TAMM41: variants seen among roughly 807,000 people sequenced by gnomAD.
TAMM41 encodes phosphatidate cytidylyltransferase, mitochondrial.
A neutral mutation model predicts 44.1 loss-of-function variants in TAMM41; 36 were observed. The ratio of observed to expected loss-of-function variants is 0.82; its 90% CI spans 0.63 to 1.08. The LOEUF is 1.08. Among genes scored for constraint, TAMM41 ranks in the 50% least tolerant of loss-of-function variants. The probability of loss-of-function intolerance (pLI) is 0.00; values close to 1 mark genes in which losing one functional copy is unlikely to be tolerated. For missense variants in TAMM41, 417 were observed against 404.3 expected (o/e 1.03, Z -0.27); for synonymous variants, 164 against 153.1 (o/e 1.07, Z -0.53).
At chr3:11,781,909 T>C in the TAMM41 span, among the ~76,000 whole-genome samples, 1 of 152,122 alleles carries the variant, frequency 6.6e-6, no homozygotes, top group Non-Finnish European at 1.5e-5. Flanking sequence ...TTTTAAAGTT[T>C]CCTATTAATT....
At chr3:11,778,249 G>A in the TAMM41 span, among the ~76,000 whole-genome samples, 1 of 151,926 alleles carries the variant, frequency 6.6e-6, no homozygotes, top group Admixed American at 6.6e-5. Context: ...TTTAGAGACA[G>A]GGTCTCGTTC....
intron 5 of TAMM41, 62 bp downstream of exon 5, chr3:11,817,130 T>C (rs765989715): frequency 3.2e-6 from 5 of 1,559,420 alleles, no homozygotes; most frequent in Non-Finnish European, 4.4e-6. Context: ...TACCCCTGAC[T>C]TTCTTCCTGC....
chr3:11,722,363 T>TACC, the TAMM41 span, among the ~76,000 whole-genome samples: 15,619 of 152,012 alleles, frequency 0.1, 2,383 homozygotes, highest in African/African-American at 0.33. Context: ...ACACTCAAGT[T>TACC]ACTGTAAGAA....
chr3:11,820,163 G>A (rs2078456266), intron 4 of TAMM41, among the ~76,000 whole-genome samples: 1 of 152,136 alleles, frequency 6.6e-6, no homozygotes, highest in Non-Finnish European at 1.5e-5. Flanking sequence ...TTCCAACTGT[G>A]TAAATCCTTA....
intron 3 of TAMM41, among the ~76,000 whole-genome samples, chr3:11,831,617 C>T (rs2078984812): frequency 6.6e-6 from 1 of 151,970 alleles, no homozygotes; most frequent in Non-Finnish European, 1.5e-5. Flanking sequence ...ATTAAGATAG[C>T]ACATAAAAGA....
At chr3:11,762,446 G>T in the TAMM41 span, among the ~76,000 whole-genome samples, 1 of 152,222 alleles carries the variant, frequency 6.6e-6, no homozygotes, top group South Asian at 2.1e-4. Context: ...CTCTTACCTA[G>T]TATGCCGATG....
intron 4 of TAMM41, among the ~76,000 whole-genome samples, chr3:11,819,769 T>C (rs984980366): frequency 6.6e-6 from 1 of 152,002 alleles, no homozygotes; most frequent in Admixed American, 6.6e-5. Flanking sequence ...CAAAAAAAAC[T>C]TCATAAAAAA....
chr3:11,799,138 C>G (rs1305392320), intron 7 of TAMM41, among the ~76,000 whole-genome samples: 2 of 152,028 alleles, frequency 1.3e-5, no homozygotes, highest in East Asian at 3.9e-4. Flanking sequence ...GTGGGAGGAT[C>G]ACATCATTGT....
chr3:11,738,190 A>T, the TAMM41 span, among the ~76,000 whole-genome samples: 17 of 152,320 alleles, frequency 1.1e-4, no homozygotes, highest in South Asian at 3.3e-3. Flanking sequence ...TAAATTCCTA[A>T]GAGTACCTTT....
chr3:11,746,523 TACTACTGAGCAATAAAAGA>T, the TAMM41 span, among the ~76,000 whole-genome samples: 1 of 151,982 alleles, frequency 6.6e-6, no homozygotes, highest in African/African-American at 2.4e-5. Context: ...TGCAATGAAA[TACTACTGAGCAATAAAAGA>T]ACTACTGATA....
the TAMM41 span, among the ~76,000 whole-genome samples, chr3:11,765,745 A>G: frequency 6.7e-6 from 1 of 149,928 alleles, no homozygotes; most frequent in African/African-American, 2.5e-5. Context: ...TCTGTCGCCC[A>G]GGCTGGAGTG....
At chr3:11,790,972 C>T (rs1398603319) in intron 7 of TAMM41, among the ~76,000 whole-genome samples, 1 of 152,222 alleles carries the variant, frequency 6.6e-6, no homozygotes, top group Non-Finnish European at 1.5e-5. Context: ...GTCTCTATGT[C>T]ACTGTGAAAG....
At chr3:11,737,308 T>C in the TAMM41 span, among the ~76,000 whole-genome samples, 2 of 139,280 alleles carry the variant, frequency 1.4e-5, no homozygotes, top group African/African-American at 5.7e-5. Context: ...TTATTATTAT[T>C]ATTATTATTA....
the TAMM41 span, among the ~76,000 whole-genome samples, chr3:11,752,019 C>T: frequency 3.3e-5 from 5 of 152,172 alleles, no homozygotes; most frequent in African/African-American, 1.2e-4. Flanking sequence ...ATGTGAGGGA[C>T]ACTCAGGCAG....
chr3:11,739,890 G>A, the TAMM41 span, among the ~76,000 whole-genome samples: 8 of 152,198 alleles, frequency 5.3e-5, no homozygotes, highest in African/African-American at 1.9e-4. Context: ...GGGCAAGACT[G>A]TGTTTTATTC....
chr3:11,776,317 C>T, the TAMM41 span, among the ~76,000 whole-genome samples: 9 of 132,542 alleles, frequency 6.8e-5, no homozygotes, highest in South Asian at 2.2e-3. Context: ...CGCGCCCGGC[C>T]ATTTAAAATT....
chr3:11,844,012 G>T lies in TAMM41; in HGVS notation c.318+17C>A. The T allele has an allele frequency of 1.2e-6, 2 of 1,609,940 alleles. No individual in the cohort carries two copies. Among genetic ancestry groups the T allele is most frequent in the Non-Finnish European group, 1.7e-6 (2 of 1,177,366 alleles). ...AAATAACCAGCCAAGTTAAGACAAAGGCCAGCAGTCACTTACCCTACCATT... is the reference window on the plus strand; with the variant it reads ...AAATAACCAGCCAAGTTAAGACAAATGCCAGCAGTCACTTACCCTACCATT... On this transcript the variant is annotated intron_variant, in intron 2 of 7. Coordinates refer to ENST00000455809, the MANE Select transcript of TAMM41 (RefSeq NM_001284401.2).
At chr3:11,793,225 C>T (rs866076821) in intron 7 of TAMM41, among the ~76,000 whole-genome samples, 48 of 151,982 alleles carry the variant, frequency 3.2e-4, no homozygotes, top group African/African-American at 7.7e-4. Flanking sequence ...CTAGAATAGA[C>T]GCTTCACAAA....
chr3:11,770,151 G>A, the TAMM41 span, among the ~76,000 whole-genome samples: 1 of 152,238 alleles, frequency 6.6e-6, no homozygotes, highest in Non-Finnish European at 1.5e-5. Context: ...GCTGGAGAGC[G>A]AGAAGCAGGT....
Sources: allele counts gnomAD v4.1 joint callset (sites outside exome capture counted in the v4.1 genomes callset), GRCh38; gene constraint gnomAD v4.1.1; transcripts MANE v1.5; gene names NCBI Gene and HGNC (gene_info 2026-07-23, HGNC 2026-07-21).